The following SLIT3 variants were observed in gnomAD, a reference collection of about 807,000 sequenced individuals.
SLIT3 encodes the protein slit homolog 3 protein.
A neutral mutation model predicts 184.0 loss-of-function variants in SLIT3; 68 were observed. The observed-to-expected ratio is 0.37, with a 90% confidence interval of 0.30 to 0.45. The LOEUF (loss-of-function observed/expected upper bound fraction) is 0.45. Among genes scored for constraint, SLIT3 ranks in the 20% least tolerant of loss-of-function variants. The probability of loss-of-function intolerance (pLI) is 1.00; values close to 1 mark genes in which losing one functional copy is unlikely to be tolerated. For missense variants in SLIT3, 1,707 were observed against 2,026.0 expected, an observed-to-expected ratio of 0.84 and a Z score of 3.02; for synonymous variants, 831 against 828.6, an observed-to-expected ratio of 1.00 and a Z score of -0.05.
At chr5:169,293,220 C>A (rs1164647318) in intron 1 of SLIT3, among the ~76,000 whole-genome samples, 1 of 152,056 alleles carries the variant, frequency 6.6e-6, no homozygotes, top group African/African-American at 2.4e-5. Flanking sequence ...TGGGTTACAA[C>A]AATCAATGAG....
chr5:168,911,464 A>G (rs1051269985), intron 4 of SLIT3, among the ~76,000 whole-genome samples: 5 of 152,248 alleles, frequency 3.3e-5, no homozygotes, highest in African/African-American at 1.2e-4. Context: ...CTCTGATTAA[A>G]AACAGGGTTT....
chr5:168,759,819 A>G (rs1561916347), intron 16 of SLIT3, among the ~76,000 whole-genome samples: 1 of 152,194 alleles, frequency 6.6e-6, no homozygotes, highest in Non-Finnish European at 1.5e-5. Flanking sequence ...ATGAGGATGG[A>G]CTTTACTTCC....
At chr5:169,187,843 C>T (rs114349618) in intron 4 of SLIT3, among the ~76,000 whole-genome samples, 2,652 of 151,232 alleles carry the variant, frequency 0.018, 83 homozygotes, top group African/African-American at 0.058. Flanking sequence ...CGTCAGCTAC[C>T]GCTCCCAGCT....
intron 4 of SLIT3, among the ~76,000 whole-genome samples, chr5:169,055,293 T>TCTTTTA (rs1757955915): frequency 6.6e-6 from 1 of 152,204 alleles, no homozygotes; most frequent in African/African-American, 2.4e-5. Context: ...ATAGTAATCA[T>TCTTTTA]GTAAATATTT....
chr5:169,159,926 T>C (rs935073060), intron 4 of SLIT3, among the ~76,000 whole-genome samples: 1 of 152,174 alleles, frequency 6.6e-6, no homozygotes, highest in African/African-American at 2.4e-5. Context: ...AGAAAATGTA[T>C]ATAATGGCTG....
intron 1 of SLIT3, among the ~76,000 whole-genome samples, chr5:169,270,653 C>T (rs966172540): frequency 5.9e-5 from 9 of 151,984 alleles, no homozygotes; most frequent in Non-Finnish European, 8.8e-5. Flanking sequence ...CTGATCTAGG[C>T]GCTTATATAG....
chr5:169,280,808 A>C (rs1766969174), intron 1 of SLIT3, among the ~76,000 whole-genome samples: 1 of 152,100 alleles, frequency 6.6e-6, no homozygotes, highest in African/African-American at 2.4e-5. Context: ...TTGCTGTGTG[A>C]CTTTGGGCAA....
intron 4 of SLIT3, among the ~76,000 whole-genome samples, chr5:168,949,599 T>A (rs1205014115): frequency 6.6e-6 from 1 of 151,246 alleles, no homozygotes; most frequent in Non-Finnish European, 1.5e-5. Flanking sequence ...AAAATGAATT[T>A]TTTGTCTTGT....
chr5:168,669,838 T>G lies in SLIT3; in HGVS notation c.4281A>C (p.Gln1427His). 2 of 1,614,186 alleles carry G rather than the reference T, an allele frequency of 1.2e-6. No homozygotes were observed. The highest frequency in any genetic ancestry group is 1.7e-6 in the Non-Finnish European group (2 of 1,180,038). The change falls in exon 35 of 36, where the codon CAA becomes CAC. Residue 1427 changes from glutamine (Q) to histidine (H), a missense_variant. Coordinates refer to ENST00000519560, the MANE Select transcript of SLIT3 (RefSeq NM_003062.4). The stretch of plus-strand genomic sequence containing the variant: ...GCTGGCACAGGCAGTAGGGCTCCCC[T>G]TGGTCTGAGATGTGGCACTGCCCAT... ...CHHGQCHISD[Q>H]GEPYCLCQPG...
chr5:169,021,138 GATAT>G (rs1756581000), intron 4 of SLIT3, among the ~76,000 whole-genome samples: 1 of 152,124 alleles, frequency 6.6e-6, no homozygotes. Flanking sequence ...TCTGTCTATA[GATAT>G]ATAGATGTCT....
intron 4 of SLIT3, among the ~76,000 whole-genome samples, chr5:169,090,710 G>A (rs563193587): frequency 6.6e-6 from 1 of 152,326 alleles, no homozygotes; most frequent in Admixed American, 6.5e-5. Flanking sequence ...ACACACAGAA[G>A]AAAAGGCAAT....
In SLIT3 at chr5:168,687,032, G is replaced by A; in HGVS notation, c.3261C>T (p.Ala1087=). The change falls in exon 30 of 36, where the codon GCC becomes GCT. Residue 1087 remains alanine (A), a synonymous_variant. Transcript: ENST00000519560. ...AGCCATTGATTGTGTCCACGCACTG[G>A]GCCCCGTGGCGGCACTTGTGGGCCA... ...DCVAHKCRHG[A]QCVDTINGYT... The A allele has an allele frequency of 6.2e-7, 1 of 1,614,228 alleles. No homozygotes were observed. Among genetic ancestry groups the A allele is most frequent in the Non-Finnish European group, 8.5e-7 (1 of 1,180,030 alleles).
intron 4 of SLIT3, among the ~76,000 whole-genome samples, chr5:169,109,388 C>T (rs1447152922): frequency 6.6e-6 from 1 of 152,180 alleles, no homozygotes; most frequent in Non-Finnish European, 1.5e-5. Context: ...ACTGAATGAG[C>T]TTGGAAGAAG....
In SLIT3 at chr5:168,843,051, C is replaced by T. The variant is rs368649734; in HGVS notation, c.557+1533G>A. 2.3e-4 allele frequency among the ~76,000 whole-genome samples: 35 copies of T among 152,254 alleles called. No homozygotes were observed. The South Asian group carries it at 7.3e-3, about 32-fold the overall frequency. On this transcript the variant is annotated intron_variant, in intron 6 of 35. Coordinates refer to ENST00000519560, the MANE Select transcript of SLIT3 (RefSeq NM_003062.4). ...GGCAGACGGGCATTTGTTGCCAGTT[C>T]CAGGGTCAGAGTTTGAGTGAGGAGA...
chr5:169,050,075 G>A lies in SLIT3; in HGVS notation c.413+143404C>T, dbSNP rs187593199. Among the ~76,000 whole-genome samples, 12 of 152,288 alleles carry A rather than the reference G, an allele frequency of 7.9e-5. No individual in the cohort carries two copies. The East Asian group carries it at 1.5e-3, about 20-fold the overall frequency. On this transcript the variant is annotated intron_variant, in intron 4 of 35. Transcript: ENST00000519560. ...GAAAGAGAGATAAAAGAAGAGGTGTGTAGGAAGAGGGGTGCGTTTTCTACA... is the reference window on the plus strand; with the variant it reads ...GAAAGAGAGATAAAAGAAGAGGTGTATAGGAAGAGGGGTGCGTTTTCTACA...
At chr5:169,242,926 G>T (rs1765453301) in intron 3 of SLIT3, among the ~76,000 whole-genome samples, 1 of 151,960 alleles carries the variant, frequency 6.6e-6, no homozygotes, top group Admixed American at 6.6e-5. Flanking sequence ...GCTACTCTCA[G>T]GGCCCTTACT....
intron 4 of SLIT3, among the ~76,000 whole-genome samples, chr5:168,957,868 TC>T (rs1402137589): frequency 3.3e-5 from 5 of 152,164 alleles, no homozygotes; most frequent in African/African-American, 9.7e-5. Context: ...CCACTCTGAG[TC>T]CCGAGTCGTT....
chr5:168,765,860 C>T (rs1755324434), intron 14 of SLIT3, among the ~76,000 whole-genome samples: 1 of 152,144 alleles, frequency 6.6e-6, no homozygotes, highest in African/African-American at 2.4e-5. Context: ...GAGCCCTCCT[C>T]CCCTTTCGCG....
chr5:169,106,811 T>C lies in SLIT3; in HGVS notation c.413+86668A>G, dbSNP rs143787998. Among the ~76,000 whole-genome samples, 474 of 152,324 alleles carry C rather than the reference T, an allele frequency of 3.1e-3. 4 individuals carry two copies. Among genetic ancestry groups the C allele is most frequent in the African/African-American group, 0.01 (432 of 41,582 alleles). ...GTGGGCCAAATATCACCCATCCTTA[T>C]GTTGAACTTCAAAAAAGCAAAAGTC... On this transcript the variant is annotated intron_variant, in intron 4 of 35. Transcript: ENST00000519560.
Sources: allele counts gnomAD v4.1 joint callset (sites outside exome capture counted in the v4.1 genomes callset), GRCh38; gene constraint gnomAD v4.1.1; transcripts MANE v1.5; gene names NCBI Gene and HGNC (gene_info 2026-07-23, HGNC 2026-07-21).